Variants in IL17RE observed in about 807,000 individuals in gnomAD.
The protein encoded by IL17RE is interleukin 17 receptor E, also known as interleukin-17 receptor E.
IL17RE carries 47 observed loss-of-function variants against 70.7 expected under a neutral mutation model. The observed-to-expected ratio is 0.67, with a 90% confidence interval of 0.53 to 0.85. The LOEUF is 0.85. Ranked by LOEUF, IL17RE falls within the 40% of genes least tolerant of loss-of-function variation. The probability of loss-of-function intolerance (pLI) is 0.00; values close to 1 mark genes in which losing one functional copy is unlikely to be tolerated. For missense variants in IL17RE, 850 were observed against 893.9 expected, an observed-to-expected ratio of 0.95 and a Z score of 0.63; for synonymous variants, 372 against 381.2, an observed-to-expected ratio of 0.98 and a Z score of 0.28.
upstream of IL17RE, chr3:9,902,697 G>C (rs974828383): frequency 3.9e-5 from 60 of 1,536,114 alleles, no homozygotes; most frequent in Non-Finnish European, 5.2e-5. Flanking sequence ...TTTCAGGTGG[G>C]GGGCAGTAGG....
At chr3:9,913,690 C>T (rs1281781151) in intron 12 of IL17RE, among the ~76,000 whole-genome samples, 5 of 152,230 alleles carry the variant, frequency 3.3e-5, no homozygotes, top group Admixed American at 6.5e-5. Context: ...TGTCCGCACC[C>T]GCCTTCTTTC....
At position 9,907,021 on chromosome 3, in the gene IL17RE, C is replaced by T; in HGVS notation, c.587C>T (p.Ser196Leu). ...CGGGCTATTCGGGTGACCATATCTT[C>T]AGGCCCTGAGGTCAGCGTGCGTCTT... is the stretch of plus-strand genomic sequence containing the variant. ...EARAIRVTIS[S>L]GPEVSVRLCH... The change falls in exon 6 of 16, where the codon TCA (serine) becomes TTA (leucine). Residue 196 changes from serine (S) to leucine (L), a missense_variant. Coordinates refer to ENST00000383814, the MANE Select transcript of IL17RE (RefSeq NM_153480.2). 6.2e-7 allele frequency: 1 copy of T among 1,614,160 alleles called. No homozygotes were observed. Among genetic ancestry groups the T allele is most frequent in the Non-Finnish European group, 8.5e-7 (1 of 1,180,032 alleles).
chr3:9,907,486 C>T (rs2082787286), intron 6 of IL17RE, among the ~76,000 whole-genome samples: 10 of 152,000 alleles, frequency 6.6e-5, no homozygotes, highest in Admixed American at 6.6e-4. Flanking sequence ...GAAAGGCAGG[C>T]AGAGACCTGG....
At chr3:9,913,890 A>T in intron 12 of IL17RE, 66 bp from the exon 13 acceptor site, 1 of 1,314,972 alleles carries the variant, frequency 7.6e-7, no homozygotes, top group Non-Finnish European at 1.1e-6. Context: ...AGGGGCAAAG[A>T]CTCAAGGCCA....
chr3:9,906,504 A>G (rs750882500), intron 4 of IL17RE, 43 bp downstream of exon 4: 3 of 1,485,724 alleles, frequency 2.0e-6, no homozygotes, highest in Non-Finnish European at 2.8e-6. Flanking sequence ...CGCCCCACAG[A>G]CCTTTGCTTT....
At position 9,915,662 on chromosome 3, in the gene IL17RE, C is replaced by A. The variant is rs2083034218; in HGVS notation, c.1859C>A (p.Pro620Gln). The A allele has an allele frequency of 2.1e-6, 3 of 1,402,686 alleles. No homozygotes were observed. The highest frequency in any genetic ancestry group is 2.8e-6 in the Non-Finnish European group (3 of 1,086,210). 86.9% of individuals were successfully genotyped at this position (1,402,686 alleles called of 1,614,324 possible). ...CGCTACCGCCTGCTGCGCGACCTGC[C>A]GCGTCTGCTGCGGGCGCTGGACGCG... ...LPRYRLLRDL[P>Q]RLLRALDARP... Residue 620 changes from proline to glutamine, a missense_variant, in exon 16 of 16, where the codon CCG (proline) becomes CAG (glutamine). Coordinates refer to ENST00000383814, the MANE Select transcript of IL17RE (RefSeq NM_153480.2). The surrounding 1 kb of genome is among the most constrained non-coding windows in gnomAD (Gnocchi z 4.9).
In IL17RE at chr3:9,914,587, T is replaced by C. The variant is rs2082968711; in HGVS notation, c.1336T>C (p.Leu446=). The C allele has an allele frequency of 1.2e-6, 2 of 1,613,898 alleles. No homozygotes were observed. Among genetic ancestry groups the C allele is most frequent in the East Asian group, 2.2e-5 (1 of 44,882 alleles). ...SDVQFAWKHL[L]CPDVSYRHLG... is the part of the protein sequence containing the mutation. ...TGTCCAGTTTGCCTGGAAGCACCTC[T>C]TGTGTCCGGATGGTGAGTTCTTGGG... Residue 446 remains leucine, a synonymous_variant, in exon 14 of 16, where the codon TTG becomes CTG. Transcript: ENST00000383814.
rs760109293 is a variant in IL17RE at position 9,914,799 on chromosome 3, TG to T, written c.1447+25del. ...TCAGGTAAGCTCACCTGGGGTAACCTGGGAAGTCAGACCTGCCCAGCTCGGA... is the reference window on the plus strand; with the variant it reads ...TCAGGTAAGCTCACCTGGGGTAACCTGGAAGTCAGACCTGCCCAGCTCGGA... On this transcript the variant is annotated intron_variant, in intron 15 of 15. Coordinates refer to ENST00000383814, the MANE Select transcript of IL17RE (RefSeq NM_153480.2). 3.4e-4 allele frequency: 540 copies of T among 1,606,236 alleles called. 1 individual carries two copies. The highest frequency in any genetic ancestry group is 4.3e-4 in the Non-Finnish European group (501 of 1,174,612).
chr3:9,904,090 G>T lies in IL17RE; in HGVS notation c.207G>T (p.Trp69Cys). 3 of 1,614,180 alleles carry T rather than the reference G, an allele frequency of 1.9e-6. No homozygotes were observed. The highest frequency in any genetic ancestry group is 2.5e-6 in the Non-Finnish European group (3 of 1,180,038). Residue 69 changes from tryptophan to cysteine, a missense_variant, in exon 3 of 16, where the codon TGG becomes TGT. By Grantham distance (215) the Trp-to-Cys change is radical. Transcript: ENST00000383814. ...GGGCCCTCTTCTCCACAAAGCCTTG[G>T]TGTGTGCGAGTCTGGCACTGTTCCC... Reference protein sequence around the residue: ...TWWALFSTKPWCVRVWHCSRC... With the variant: ...TWWALFSTKPCCVRVWHCSRC...
intron 15 of IL17RE, 130 bp downstream of exon 15, chr3:9,914,907 C>G: frequency 1.3e-6 from 1 of 788,606 alleles, no homozygotes. Context: ...GAGCCTCAGG[C>G]CCCCAAGTGA....
intron 7 of IL17RE, 56 bp downstream of exon 7, chr3:9,908,363 T>C (rs929513625): frequency 6.7e-7 from 1 of 1,482,674 alleles, no homozygotes; most frequent in African/African-American, 1.4e-5. Context: ...GCCCCCAAGG[T>C]AGCGCAGTTG....
intron 1 of IL17RE, 54 bp downstream of exon 1, chr3:9,903,118 C>A (rs1219474959): frequency 1.3e-6 from 2 of 1,494,442 alleles, no homozygotes; most frequent in Non-Finnish European, 9.3e-7. Flanking sequence ...ATAAAGCTCC[C>A]CACTCCCCTG....
Position 9,909,206 on chromosome 3 carries a change from C to T in IL17RE, c.736-11C>T, listed in dbSNP as rs113379150. 2,159 of 1,612,328 alleles carry T rather than the reference C, an allele frequency of 1.3e-3. 28 individuals carry two copies. In the African/African-American group the frequency reaches 0.023, roughly 17 times the overall value. On this transcript the variant is annotated splice_polypyrimidine_tract_variant and intron_variant, in intron 7 of 15. Coordinates refer to ENST00000383814, the MANE Select transcript of IL17RE (RefSeq NM_153480.2). ...TCCTCTGACCCTCCCCACCTGCTCC[C>T]GTCTCTCCAGGCATCCTACCTGCAA...
In IL17RE at chr3:9,914,692, C is replaced by T; in HGVS notation, c.1362C>T (p.His454=). 1 of 1,614,138 alleles carries T rather than the reference C, an allele frequency of 6.2e-7. No homozygotes were observed. The highest frequency in any genetic ancestry group is 8.5e-7 in the Non-Finnish European group (1 of 1,180,010). Residue 454 remains histidine, a synonymous_variant, in exon 15 of 16, where the codon CAC becomes CAT. Transcript: ENST00000383814. The part of the protein sequence containing the change: ...HLLCPDVSYR[H]LGLLILALLA... ...TGCTTGACTCAGTCTCTTACAGACA[C>T]CTGGGGCTCTTGATCCTGGCACTGC... is the stretch of plus-strand genomic sequence containing the variant.
chr3:9,906,349 G>A lies in IL17RE; in HGVS notation c.269-15G>A, dbSNP rs376425988. 70 of 1,571,154 alleles carry A rather than the reference G, an allele frequency of 4.5e-5. 1 individual carries two copies. The highest frequency in any genetic ancestry group is 1.1e-4 in the African/African-American group (8 of 74,016). On this transcript the variant is annotated splice_polypyrimidine_tract_variant and intron_variant, in intron 3 of 15. Coordinates refer to ENST00000383814, the MANE Select transcript of IL17RE (RefSeq NM_153480.2). ...GTAATGAGGGCTAGATAGTAAGTAC[G>A]TCTCCCCTGCACAGGTCTTCAACGG...
intron 13 of IL17RE, 48 bp from the exon 14 acceptor site, chr3:9,914,500 G>C (rs1204855781): frequency 6.2e-7 from 1 of 1,610,564 alleles, no homozygotes; most frequent in Non-Finnish European, 8.5e-7. Flanking sequence ...AGCTCCCCGG[G>C]AGGAGAAGAT....
upstream of IL17RE, chr3:9,902,630 C>T: frequency 6.5e-7 from 1 of 1,536,138 alleles, no homozygotes; most frequent in Non-Finnish European, 8.7e-7. Context: ...GTGCGTCCCC[C>T]AACCTGATGC....
intron 13 of IL17RE, 50 bp from the exon 14 acceptor site, chr3:9,914,498 G>T: frequency 6.2e-7 from 1 of 1,610,018 alleles, no homozygotes; most frequent in Non-Finnish European, 8.5e-7. Flanking sequence ...TCAGCTCCCC[G>T]GGAGGAGAAG....
At chr3:9,914,306 A>G (rs1363011391) in intron 13 of IL17RE, 2 of 1,021,848 alleles carry the variant, frequency 2.0e-6, no homozygotes, top group East Asian at 5.3e-5. Flanking sequence ...TGTGCTCTCC[A>G]GGTCCTCACA....
Sources: allele counts gnomAD v4.1 joint callset (sites outside exome capture counted in the v4.1 genomes callset), GRCh38; gene constraint gnomAD v4.1.1; non-coding constraint Gnocchi (gnomAD v3.1); transcripts MANE v1.5; gene names NCBI Gene and HGNC (gene_info 2026-07-23, HGNC 2026-07-21).